The following RNF212B variants were observed in gnomAD, a reference collection of about 807,000 sequenced individuals.
RNF212B encodes ring finger protein 212B.
In RNF212B, 52 loss-of-function variants were observed where a neutral mutation model predicts 55.5. The observed-to-expected ratio is 0.94, with a 90% CI of 0.75 to 1.18. The LOEUF is 1.18. Ranked by LOEUF, RNF212B falls within the 50% of genes most tolerant of loss-of-function variation. RNF212B has a pLI of 0.00. For missense variants in RNF212B, 289 were observed against 350.4 expected, an observed-to-expected ratio of 0.82 and a Z score of 1.40; for synonymous variants, 99 against 121.4, an observed-to-expected ratio of 0.82 and a Z score of 1.21.
chr14:23,263,470 G>A (rs1202360828), intron 9 of RNF212B, among the ~76,000 whole-genome samples: 1 of 152,210 alleles, frequency 6.6e-6, no homozygotes, highest in Admixed American at 6.5e-5. Context: ...CAGATTGCCA[G>A]ACAAACTGGT....
Position 23,264,224 on chromosome 14 carries a change from G to C in RNF212B, c.575G>C (p.Ser192Thr). ...SIPYREAGFG[S>T]LGQGGRGLQG... ...CCTTATAGAGAGGCTGGCTTTGGTAGCTTGGGACAAGTAAGTAATGTTCAC... is the reference window on the plus strand; with the variant it reads ...CCTTATAGAGAGGCTGGCTTTGGTACCTTGGGACAAGTAAGTAATGTTCAC... Residue 192 changes from serine (S) to threonine (T), a missense_variant, in exon 10 of 15, where the codon AGC (serine) becomes ACC (threonine). Transcript: ENST00000430154. The C allele has an allele frequency of 6.5e-7, 1 of 1,548,946 alleles. No individual in the cohort carries two copies. The highest frequency in any genetic ancestry group is 8.7e-7 in the Non-Finnish European group (1 of 1,145,532).
chr14:23,248,703 G>A (rs1186871142), intron 4 of RNF212B, among the ~76,000 whole-genome samples: 1 of 151,850 alleles, frequency 6.6e-6, no homozygotes, highest in Non-Finnish European at 1.5e-5. Flanking sequence ...GCCTCCCAAA[G>A]TGCTGAGATT....
intron 11 of RNF212B, among the ~76,000 whole-genome samples, chr14:23,266,610 C>T (rs1885724880): frequency 6.6e-6 from 1 of 151,386 alleles, no homozygotes; most frequent in Non-Finnish European, 1.5e-5. Flanking sequence ...CACGGGGTTT[C>T]TCCATGTTGA....
At chr14:23,208,941 G>A (rs1472825273) in intron 2 of RNF212B, among the ~76,000 whole-genome samples, 1 of 151,272 alleles carries the variant, frequency 6.6e-6, no homozygotes, top group Non-Finnish European at 1.5e-5. Flanking sequence ...TGTATTTTTA[G>A]TAGAGACGGG....
intron 1 of RNF212B, among the ~76,000 whole-genome samples, chr14:23,191,877 G>A (rs949430009): frequency 2.6e-5 from 4 of 152,152 alleles, no homozygotes; most frequent in Non-Finnish European, 5.9e-5. Context: ...ATTGTATATT[G>A]AATCTTTGGG....
intron 2 of RNF212B, among the ~76,000 whole-genome samples, chr14:23,231,884 T>C (rs573794358): frequency 4.1e-4 from 63 of 152,372 alleles, no homozygotes; most frequent in African/African-American, 1.5e-3. Flanking sequence ...GTGAGTGATC[T>C]GCCAGCCTCG....
At chr14:23,224,907 G>GA (rs998683891) in intron 2 of RNF212B, among the ~76,000 whole-genome samples, 4 of 152,222 alleles carry the variant, frequency 2.6e-5, no homozygotes, top group South Asian at 2.1e-4. Context: ...AACTCTATGG[G>GA]AAAAAATCTG....
At chr14:23,196,887 T>A (rs1311983303) in intron 2 of RNF212B, among the ~76,000 whole-genome samples, 1 of 152,098 alleles carries the variant, frequency 6.6e-6, no homozygotes, top group Non-Finnish European at 1.5e-5. Flanking sequence ...TTCCTGGCCC[T>A]AGAGTGTGTT....
chr14:23,249,760 G>C (rs1388626441), intron 4 of RNF212B, among the ~76,000 whole-genome samples: 1 of 152,146 alleles, frequency 6.6e-6, no homozygotes. Context: ...TGCCTGGTGG[G>C]CTGCTGTGGC....
chr14:23,222,578 A>G (rs982619754), intron 2 of RNF212B, among the ~76,000 whole-genome samples: 16 of 152,196 alleles, frequency 1.1e-4, no homozygotes, highest in African/African-American at 3.9e-4. Flanking sequence ...TACCAATCCT[A>G]TTCAAACTGT....
upstream of RNF212B, among the ~76,000 whole-genome samples, chr14:23,234,405 C>T (rs1387758779): frequency 6.6e-6 from 1 of 152,050 alleles, no homozygotes; most frequent in East Asian, 1.9e-4. Context: ...AGATTTCCTG[C>T]ACACCTAGGT....
chr14:23,259,895 T>C lies in RNF212B; in HGVS notation c.356T>C (p.Val119Ala), dbSNP rs1314324137. The C allele has an allele frequency of 6.6e-7, 1 of 1,521,130 alleles. No homozygotes were observed. The highest frequency in any genetic ancestry group is 1.3e-5 in the South Asian group (1 of 78,716). The allele number at this position is 1,521,130 out of a possible 1,614,324, so 94.2% of individuals were successfully genotyped here. A position where few individuals can be genotyped will look rare whatever the true frequency, so the allele number is the denominator to read the frequency against. Residue 119 changes from valine (V) to alanine (A), a missense_variant, in exon 6 of 15, where the codon GTC (valine) becomes GCC (alanine). Transcript: ENST00000430154. The stretch of plus-strand genomic sequence containing the variant: ...CATCTTTTGCCTAGAGAATTGTCAG[T>C]CTTAAGGAAGGAGAATGGAGAACTG... ...ALVSQDKELS[V>A]LRKENGELKK...
At chr14:23,191,080 G>A (rs1465846089) in intron 1 of RNF212B, among the ~76,000 whole-genome samples, 2 of 152,176 alleles carry the variant, frequency 1.3e-5, no homozygotes, top group Non-Finnish European at 2.9e-5. Context: ...CAGGCTGCGC[G>A]CAGTGGCTCA....
At chr14:23,208,294 C>T (rs563761900) in intron 2 of RNF212B, among the ~76,000 whole-genome samples, 22 of 152,284 alleles carry the variant, frequency 1.4e-4, no homozygotes, top group African/African-American at 5.1e-4. Flanking sequence ...GAGAAGATCA[C>T]TGGAGGCCAG....
At chr14:23,270,346 G>T (rs563420759) in intron 13 of RNF212B, among the ~76,000 whole-genome samples, 1 of 152,296 alleles carries the variant, frequency 6.6e-6, no homozygotes, top group African/African-American at 2.4e-5. Context: ...CTAAGAGGCT[G>T]CCATCTTCCA....
At chr14:23,262,265 G>A (rs1315859240) in intron 7 of RNF212B, among the ~76,000 whole-genome samples, 2 of 151,868 alleles carry the variant, frequency 1.3e-5, no homozygotes, top group Non-Finnish European at 2.9e-5. Flanking sequence ...ATATATGCTT[G>A]TTGGATGGCA....
upstream of RNF212B, among the ~76,000 whole-genome samples, chr14:23,233,562 CAAAAAAAAAAA>C (rs35654046): frequency 2.7e-4 from 16 of 58,390 alleles, no homozygotes; most frequent in African/African-American, 1.1e-3. Flanking sequence ...CCCATCTCTA[CAAAAAAAAAAA>C]AAAAAAAAAA....
chr14:23,238,761 T>TC lies in RNF212B; in HGVS notation c.-2+706_-2+707insC, dbSNP rs1566420247. 5.5e-5 allele frequency among the ~76,000 whole-genome samples: 8 copies of TC among 145,326 alleles called. No individual in the cohort carries two copies. The East Asian group carries it at 8.1e-4, about 15-fold the overall frequency. On this transcript the variant is annotated intron_variant, in intron 1 of 14. Coordinates refer to ENST00000430154, the MANE Select transcript of RNF212B (RefSeq NM_001282322.3). ...AAAATAATAATAATAATAATAATAA[T>TC]AATAATAATAATAATAATAATCCCA...
At chr14:23,219,258 T>C (rs897724651) in intron 2 of RNF212B, among the ~76,000 whole-genome samples, 1 of 152,116 alleles carries the variant, frequency 6.6e-6, no homozygotes, top group Admixed American at 6.6e-5. Context: ...GGTACGAAAC[T>C]CACTGGTAAG....
Sources: allele counts gnomAD v4.1 joint callset (sites outside exome capture counted in the v4.1 genomes callset), GRCh38; gene constraint gnomAD v4.1.1; transcripts MANE v1.5; gene names NCBI Gene and HGNC (gene_info 2026-07-23, HGNC 2026-07-21).